Variants in OR6N1 observed in about 807,000 individuals in gnomAD.
OR6N1 encodes the protein olfactory receptor family 6 subfamily N member 1, also known as olfactory receptor 6N1.
For missense variants in OR6N1, 394 were observed against 371.7 expected (o/e 1.06, Z -0.49); for synonymous variants, 170 against 150.7 (o/e 1.13, Z -0.94).
the OR6N1 span, among the ~76,000 whole-genome samples, chr1:158,821,857 G>C: frequency 2.6e-5 from 4 of 152,132 alleles, no homozygotes; most frequent in South Asian, 8.3e-4. Context: ...CTGTCAAACT[G>C]TCTTCCAAAC....
Position 158,766,195 on chromosome 1 carries a change from A to T in OR6N1, c.488T>A (p.Ile163Asn). Residue 163 changes from isoleucine to asparagine, a missense_variant, in exon 2 of 2, where the codon ATT becomes AAT. Transcript: ENST00000641846. ...LAGPVVEISL[I>N]SRLPFCGPNR... ...GGGGCCACAGAATGGGAGGCGTGAA[A>T]TCAAGGAAATTTCAACTACTGGCCC... is the stretch of plus-strand genomic sequence containing the variant. The T allele has an allele frequency of 6.2e-7, 1 of 1,614,150 alleles. No homozygotes were observed. The highest frequency in any genetic ancestry group is 1.1e-5 in the South Asian group (1 of 91,084).
chr1:158,785,176 A>G, the OR6N1 span, among the ~76,000 whole-genome samples: 2 of 152,202 alleles, frequency 1.3e-5, no homozygotes, highest in South Asian at 4.1e-4. Context: ...TTCTTTGGAG[A>G]ATTTTTTATG....
chr1:158,768,204 T>C (rs1043474542), intron 1 of OR6N1, among the ~76,000 whole-genome samples: 5 of 152,086 alleles, frequency 3.3e-5, no homozygotes, highest in Admixed American at 6.6e-5. Context: ...TACCATCCAA[T>C]ACCAGAGCTT....
At chr1:158,824,439 T>C in the OR6N1 span, among the ~76,000 whole-genome samples, 11 of 152,156 alleles carry the variant, frequency 7.2e-5, no homozygotes, top group Non-Finnish European at 1.2e-4. Flanking sequence ...TAATACAATA[T>C]GATTTTGGTT....
At chr1:158,813,025 C>A in the OR6N1 span, among the ~76,000 whole-genome samples, 2 of 152,164 alleles carry the variant, frequency 1.3e-5, no homozygotes, top group Non-Finnish European at 2.9e-5. Context: ...GACATTCAGT[C>A]TAACTCATAA....
the OR6N1 span, among the ~76,000 whole-genome samples, chr1:158,784,392 T>C: frequency 6.6e-6 from 1 of 152,206 alleles, no homozygotes; most frequent in African/African-American, 2.4e-5. Context: ...CCTATCCTTC[T>C]CCTCATATTT....
the OR6N1 span, among the ~76,000 whole-genome samples, chr1:158,825,200 G>T: frequency 6.6e-6 from 1 of 152,148 alleles, no homozygotes; most frequent in Non-Finnish European, 1.5e-5. Context: ...AGCACTTTGG[G>T]AGCCTGAGGT....
upstream of OR6N1, chr1:158,776,764 CTG>C (rs1558035494): frequency 6.2e-7 from 1 of 1,613,854 alleles, no homozygotes; most frequent in Non-Finnish European, 8.5e-7. Flanking sequence ...GTTACGAAGA[CTG>C]TAGATAATTG....
chr1:158,833,680 G>T, the OR6N1 span, among the ~76,000 whole-genome samples: 1 of 152,058 alleles, frequency 6.6e-6, no homozygotes, highest in East Asian at 1.9e-4. Flanking sequence ...TCCTAGGGTA[G>T]AATAATATTC....
At chr1:158,831,716 A>G in the OR6N1 span, among the ~76,000 whole-genome samples, 2 of 152,170 alleles carry the variant, frequency 1.3e-5, no homozygotes, top group Non-Finnish European at 2.9e-5. Flanking sequence ...TAGCAAATGG[A>G]TATCTTTTAT....
At chr1:158,825,190 A>AG in the OR6N1 span, among the ~76,000 whole-genome samples, 16 of 152,344 alleles carry the variant, frequency 1.1e-4, no homozygotes, top group African/African-American at 3.8e-4. Context: ...CTGTAATCCC[A>AG]GCACTTTGGG....
At chr1:158,833,927 A>AT in the OR6N1 span, among the ~76,000 whole-genome samples, 1 of 152,090 alleles carries the variant, frequency 6.6e-6, no homozygotes, top group Non-Finnish European at 1.5e-5. Flanking sequence ...TAAGAATCAT[A>AT]TTTTTTTCAT....
At chr1:158,768,731 T>C (rs1657340912) in intron 1 of OR6N1, among the ~76,000 whole-genome samples, 1 of 152,248 alleles carries the variant, frequency 6.6e-6, no homozygotes, top group South Asian at 2.1e-4. Context: ...TTCATTTATT[T>C]CATCTTTGCT....
chr1:158,768,159 T>C (rs1657325616), intron 1 of OR6N1, among the ~76,000 whole-genome samples: 1 of 152,156 alleles, frequency 6.6e-6, no homozygotes, highest in African/African-American at 2.4e-5. Context: ...ATCTTTTTTT[T>C]TTCTCTTCTA....
chr1:158,766,775 A>G, intron 1 of OR6N1, 75 bp from the exon 2 acceptor site: 1 of 861,132 alleles, frequency 1.2e-6, no homozygotes, highest in African/African-American at 1.7e-5. Context: ...CCCTCAAATT[A>G]CTATTGCCCT....
the OR6N1 span, among the ~76,000 whole-genome samples, chr1:158,781,369 C>G: frequency 2.6e-5 from 4 of 152,224 alleles, no homozygotes; most frequent in Admixed American, 1.3e-4. Flanking sequence ...AGGTGAGAAT[C>G]AGGCTCAGGG....
At chr1:158,799,899 C>A in the OR6N1 span, among the ~76,000 whole-genome samples, 1,713 of 152,124 alleles carry the variant, frequency 0.011, 31 homozygotes, top group African/African-American at 0.039. Context: ...TAGAAGAAGT[C>A]TATGACTCAT....
At chr1:158,805,986 G>T in the OR6N1 span, among the ~76,000 whole-genome samples, 28 of 152,124 alleles carry the variant, frequency 1.8e-4, no homozygotes, top group African/African-American at 6.0e-4. Flanking sequence ...ATCAAGAATT[G>T]CTATAACAGT....
intron 1 of OR6N1, among the ~76,000 whole-genome samples, chr1:158,768,455 C>T (rs534851015): frequency 6.6e-6 from 1 of 152,278 alleles, no homozygotes; most frequent in South Asian, 2.1e-4. Flanking sequence ...ATCTTTCTCT[C>T]ATATATCCAG....
Sources: gnomAD v4.1 joint callset for allele counts (sites outside exome capture counted in the v4.1 genomes callset) on GRCh38, gnomAD v4.1.1 for gene constraint, MANE v1.5 for transcripts, NCBI Gene and HGNC (gene_info 2026-07-23, HGNC 2026-07-21) for gene names.